The following ZNF69 variants were observed in gnomAD, a reference collection of about 807,000 sequenced individuals.
The protein encoded by ZNF69 is zinc finger protein 69.
In ZNF69, 47 loss-of-function variants were observed where a neutral mutation model predicts 50.9. The ratio of observed to expected loss-of-function variants is 0.92; its 90% CI spans 0.73 to 1.18. The LOEUF is 1.18. Ranked by LOEUF, ZNF69 falls within the 50% of genes most tolerant of loss-of-function variation. The probability of loss-of-function intolerance (pLI) is 0.00; values close to 1 mark genes in which losing one functional copy is unlikely to be tolerated. For synonymous variants in ZNF69, 216 were observed against 223.1 expected (o/e 0.97, Z 0.29); for missense variants, 717 against 675.1 (o/e 1.06, Z -0.69).
the ZNF69 span, chr19:11,979,591 G>T: frequency 6.2e-7 from 1 of 1,601,278 alleles, no homozygotes; most frequent in East Asian, 2.2e-5. Flanking sequence ...GTTCCTTTTG[G>T]TACCATGAAA....
At position 11,905,190 on chromosome 19, in the gene ZNF69, A is replaced by C. The variant is rs765786538; in HGVS notation, c.793A>C (p.Ile265Leu). Residue 265 changes from isoleucine to leucine, a missense_variant, in exon 4 of 4, where the codon ATA becomes CTA. Ile to Leu is a conservative substitution (Grantham distance 5). Coordinates refer to ENST00000429654, the MANE Select transcript of ZNF69 (RefSeq NM_001364730.1). The part of the protein sequence containing the change: ...KSFSYSATLR[I>L]HERTHTGEKP... ...CTTTAGTTATTCTGCTACCCTTCGA[A>C]TACACGAAAGAACTCACACTGGAGA... The C allele has an allele frequency of 9.9e-6, 16 of 1,614,104 alleles. No homozygotes were observed. The highest frequency in any genetic ancestry group is 1.1e-5 in the Non-Finnish European group (13 of 1,180,018).
At chr19:11,965,070 T>A in the ZNF69 span, 5 of 1,050,054 alleles carry the variant, frequency 4.8e-6, no homozygotes, top group African/African-American at 8.0e-5. Context: ...GCGCAGCCGG[T>A]GGTTGATATC....
intron 1 of ZNF69, among the ~76,000 whole-genome samples, chr19:11,899,991 G>C (rs575032787): frequency 1.3e-4 from 20 of 151,790 alleles, no homozygotes; most frequent in African/African-American, 4.8e-4. Context: ...TTTCGTTCTT[G>C]TTGCCCAGAC....
chr19:11,908,494 A>G (rs1409457748), downstream of ZNF69, among the ~76,000 whole-genome samples: 1 of 152,226 alleles, frequency 6.6e-6, no homozygotes, highest in Non-Finnish European at 1.5e-5. Flanking sequence ...AGAGCAATCA[A>G]ACTAGAACTC....
chr19:11,952,640 A>G, the ZNF69 span, among the ~76,000 whole-genome samples: 1 of 152,238 alleles, frequency 6.6e-6, no homozygotes, highest in Non-Finnish European at 1.5e-5. Context: ...TGCAGCATCA[A>G]TCATTGACCA....
At chr19:11,931,115 C>T in the ZNF69 span, among the ~76,000 whole-genome samples, 1 of 148,258 alleles carries the variant, frequency 6.7e-6, no homozygotes, top group Non-Finnish European at 1.5e-5. Context: ...GAGTACAAAG[C>T]TGCAGTGTGT....
At chr19:11,958,705 A>C in the ZNF69 span, among the ~76,000 whole-genome samples, 16 of 152,224 alleles carry the variant, frequency 1.1e-4, no homozygotes, top group South Asian at 2.1e-4. Context: ...TCCACAGTCC[A>C]AGTGGTTCCT....
Position 11,905,783 on chromosome 19 carries a change from T to C in ZNF69, c.1386T>C (p.His462=). 1 of 1,613,380 alleles carries C rather than the reference T, an allele frequency of 6.2e-7. No individual in the cohort carries two copies. ...GATCTATGAAGAACCTTCAAAGTCA[T>C]GAAAGGACACAAACACACGTAAGAA... ...AFRSMKNLQS[H]ERTQTHVRIH... Residue 462 remains histidine (H), a synonymous_variant, in exon 4 of 4, where the codon CAT becomes CAC. Transcript: ENST00000429654.
the ZNF69 span, among the ~76,000 whole-genome samples, chr19:11,967,639 G>A: frequency 2.6e-5 from 4 of 152,096 alleles, no homozygotes; most frequent in South Asian, 6.2e-4. Context: ...TCCTGACCTC[G>A]TGATCCACCC....
the ZNF69 span, among the ~76,000 whole-genome samples, chr19:11,930,051 G>A: frequency 6.8e-6 from 1 of 148,022 alleles, no homozygotes; most frequent in East Asian, 1.9e-4. Flanking sequence ...TCTCTTGGAG[G>A]GTCTAGTGGG....
rs749494817 is a variant in ZNF69, at chr19:11,905,827, C to G, written c.1430C>G (p.Pro477Arg). The change falls in exon 4 of 4, where the codon CCT becomes CGT. Residue 477 changes from proline (P) to arginine (R), a missense_variant. Coordinates refer to ENST00000429654, the MANE Select transcript of ZNF69 (RefSeq NM_001364730.1). ...GTAAGAATACACTCTGGAGAAAGAC[C>G]TTATAAATGTAAGCTATGTGGGAAA... ...THVRIHSGER[P>R]YKCKLCGKGF... 1.4e-5 allele frequency: 23 copies of G among 1,613,714 alleles called. No homozygotes were observed. The highest frequency in any genetic ancestry group is 2.2e-5 in the East Asian group (1 of 44,860).
At chr19:11,970,055 A>G in the ZNF69 span, among the ~76,000 whole-genome samples, 5,362 of 152,204 alleles carry the variant, frequency 0.035, 336 homozygotes, top group African/African-American at 0.12. Flanking sequence ...TGAATGCCTT[A>G]TGGTGGAGGA....
chr19:11,904,216 G>A (rs1599357074), intron 3 of ZNF69, among the ~76,000 whole-genome samples: 1 of 152,194 alleles, frequency 6.6e-6, no homozygotes, highest in South Asian at 2.1e-4. Flanking sequence ...AACATAACGA[G>A]ACCACATATC....
downstream of ZNF69, among the ~76,000 whole-genome samples, chr19:11,914,758 C>T (rs1382583300): frequency 1.3e-5 from 2 of 152,170 alleles, no homozygotes; most frequent in African/African-American, 2.4e-5. Context: ...GATCAAAATC[C>T]AGGCACCACA....
the ZNF69 span, among the ~76,000 whole-genome samples, chr19:11,942,437 C>A: frequency 6.6e-6 from 1 of 152,126 alleles, no homozygotes; most frequent in African/African-American, 2.4e-5. Flanking sequence ...ACAGCCCAGG[C>A]AGCTCGTTTT....
Position 11,905,724 on chromosome 19 carries a change from C to G in ZNF69, c.1327C>G (p.Pro443Ala), listed in dbSNP as rs1261694519. ...LHGRTHTGEK[P>A]YECQECGKAF... Reference sequence around the variant, plus strand: ...TGGTAGGACTCACACTGGAGAGAAGCCCTATGAATGTCAGGAATGTGGGAA... The same window carrying G: ...TGGTAGGACTCACACTGGAGAGAAGGCCTATGAATGTCAGGAATGTGGGAA... The change falls in exon 4 of 4, where the codon CCC (proline) becomes GCC (alanine). Residue 443 changes from proline to alanine, a missense_variant. By Grantham distance (27) the Pro-to-Ala change is conservative (BLOSUM62 -1). Transcript: ENST00000429654. 1.9e-6 allele frequency: 3 copies of G among 1,613,532 alleles called. No homozygotes were observed. In the East Asian group the frequency reaches 6.7e-5, roughly 36 times the overall value.
At chr19:11,888,051 T>C (rs763856956) in intron 1 of ZNF69, 65 bp downstream of exon 1, 1 of 1,526,588 alleles carries the variant, frequency 6.6e-7, no homozygotes, top group Non-Finnish European at 9.0e-7. Context: ...CGGAACCGAC[T>C]GTGGCGAGAC....
chr19:11,892,628 A>T (rs184639850), intron 1 of ZNF69, among the ~76,000 whole-genome samples: 7 of 152,252 alleles, frequency 4.6e-5, no homozygotes, highest in Non-Finnish European at 1.0e-4. Flanking sequence ...ATAAAAAAAA[A>T]GTGAAGAGGG....
At chr19:11,948,966 A>C in the ZNF69 span, 2 of 1,608,462 alleles carry the variant, frequency 1.2e-6, no homozygotes, top group South Asian at 2.2e-5. Flanking sequence ...GTGGAAAAGC[A>C]TTTGCATATA....
Sources: allele counts gnomAD v4.1 joint callset (sites outside exome capture counted in the v4.1 genomes callset), GRCh38; gene constraint gnomAD v4.1.1; transcripts MANE v1.5; gene names NCBI Gene and HGNC (gene_info 2026-07-23, HGNC 2026-07-21).